The following EEA1 variants were observed in gnomAD, a reference collection of about 807,000 sequenced individuals.
EEA1 encodes the protein early endosome antigen 1, 162kD.
EEA1 carries 111 observed loss-of-function variants against 209.2 expected under a neutral mutation model. That is an observed-to-expected ratio of 0.53 (90% CI 0.45 to 0.62). The LOEUF is 0.62. Ranked by LOEUF, EEA1 falls within the 20% of genes least tolerant of loss-of-function variation. The pLI, the probability that EEA1 is intolerant of heterozygous loss-of-function variation, is 0.00. For missense variants in EEA1, 1,343 were observed against 1,530.8 expected (o/e 0.88, Z 2.05); for synonymous variants, 536 against 540.6 (o/e 0.99, Z 0.12).
At chr12:92,788,900 T>G (rs1323810900) in intron 21 of EEA1, among the ~76,000 whole-genome samples, 1 of 152,186 alleles carries the variant, frequency 6.6e-6, no homozygotes, top group Admixed American at 6.5e-5. Context: ...CTCAAAATCT[T>G]TTACTAGCTC....
chr12:92,871,543 TAAC>T (rs1330528661), intron 2 of EEA1, among the ~76,000 whole-genome samples: 3 of 152,134 alleles, frequency 2.0e-5, no homozygotes, highest in African/African-American at 7.2e-5. Context: ...CCCTGTGAAA[TAAC>T]AACTTTTAGA....
chr12:92,835,959 A>G (rs533024427), intron 10 of EEA1, among the ~76,000 whole-genome samples: 1 of 152,312 alleles, frequency 6.6e-6, no homozygotes, highest in Admixed American at 6.5e-5. Context: ...CATTTTTATT[A>G]TGGTCTTCCC....
intron 20 of EEA1, among the ~76,000 whole-genome samples, chr12:92,800,813 C>G (rs1466536100): frequency 1.3e-5 from 2 of 152,156 alleles, no homozygotes; most frequent in African/African-American, 2.4e-5. Flanking sequence ...ATGGCATAGC[C>G]AGGATATAAA....
intron 3 of EEA1, 138 bp downstream of exon 3, chr12:92,864,722 A>G (rs11106721): frequency 0.38 from 296,464 of 783,760 alleles, 63,376 homozygotes; most frequent in East Asian, 0.93. Flanking sequence ...TAGTGGAGGA[A>G]GGATATGCTA....
At chr12:92,863,492 T>C (rs1425911932) in intron 3 of EEA1, among the ~76,000 whole-genome samples, 1 of 152,202 alleles carries the variant, frequency 6.6e-6, no homozygotes, top group Non-Finnish European at 1.5e-5. Flanking sequence ...AAGCCCCAGA[T>C]GAGCTCCCAG....
Position 92,929,265 on chromosome 12 carries a change from G to GCGAA in EEA1, c.-203_-200dup, listed in dbSNP as rs1048967563. 15 of 408,336 alleles carry GCGAA rather than the reference G, an allele frequency of 3.7e-5. 1 individual carries two copies. The highest frequency in any genetic ancestry group is 3.0e-4 in the African/African-American group (14 of 46,038). 25.3% of individuals were successfully genotyped at this position (408,336 alleles called of 1,614,324 possible). ...AGAGGGAGCACGCGAGAGAGAGCGA[G>GCGAA]CGAACGACTAGGCAGCCTGCGAGCG... On this transcript the variant is annotated 5_prime_UTR_variant, in exon 1 of 29. Coordinates refer to ENST00000322349, the MANE Select transcript of EEA1 (RefSeq NM_003566.4).
chr12:92,780,136 G>A, intron 24 of EEA1, 144 bp downstream of exon 24: 1 of 812,640 alleles, frequency 1.2e-6, no homozygotes. Context: ...AAGCACTCTG[G>A]CAAGAGTATT....
intron 18 of EEA1, among the ~76,000 whole-genome samples, chr12:92,806,113 C>T (rs898860842): frequency 5.3e-5 from 8 of 151,360 alleles, no homozygotes; most frequent in African/African-American, 1.2e-4. Flanking sequence ...GACACAGTGA[C>T]GCTTTCACAT....
At chr12:92,889,156 T>TA (rs200345829) in intron 2 of EEA1, among the ~76,000 whole-genome samples, 3,980 of 130,760 alleles carry the variant, frequency 0.03, 98 homozygotes, top group African/African-American at 0.078. Context: ...TCAAAAACAT[T>TA]AAAAAAAAAA....
chr12:92,792,104 T>C (rs1416032889), intron 21 of EEA1, among the ~76,000 whole-genome samples: 1 of 152,136 alleles, frequency 6.6e-6, no homozygotes, highest in African/African-American at 2.4e-5. Context: ...TACCAGAATC[T>C]CTGGGACACA....
At chr12:92,858,702 T>C in intron 3 of EEA1, 1 of 738,626 alleles carries the variant, frequency 1.4e-6, no homozygotes, top group Non-Finnish European at 2.5e-6. Context: ...TTGTTATATC[T>C]GTTTGGCATG....
intron 3 of EEA1, chr12:92,858,308 T>A: frequency 1.3e-6 from 1 of 749,736 alleles, no homozygotes; most frequent in Non-Finnish European, 2.5e-6. Flanking sequence ...CCAGAGCTGC[T>A]GTTGACTAAC....
At chr12:92,792,731 A>G (rs1874466971) in intron 21 of EEA1, among the ~76,000 whole-genome samples, 1 of 152,222 alleles carries the variant, frequency 6.6e-6, no homozygotes. Flanking sequence ...ATTCCTTTTG[A>G]AACTATTCCA....
intron 28 of EEA1, among the ~76,000 whole-genome samples, chr12:92,776,461 A>G (rs1445180984): frequency 6.6e-6 from 1 of 151,898 alleles, no homozygotes; most frequent in Non-Finnish European, 1.5e-5. Context: ...TTCAGGCACT[A>G]ATGTCTCCAA....
At chr12:92,885,233 C>G (rs1408324107) in intron 2 of EEA1, among the ~76,000 whole-genome samples, 1 of 151,962 alleles carries the variant, frequency 6.6e-6, no homozygotes, top group Non-Finnish European at 1.5e-5. Flanking sequence ...CAAGGGTCAA[C>G]TACACGCTAT....
intron 11 of EEA1, among the ~76,000 whole-genome samples, chr12:92,828,999 G>A (rs1471345632): frequency 6.6e-6 from 1 of 152,158 alleles, no homozygotes; most frequent in Non-Finnish European, 1.5e-5. Context: ...ATAATATACA[G>A]AATCCTTTTA....
At chr12:92,856,750 C>A (rs1592739666) in intron 5 of EEA1, among the ~76,000 whole-genome samples, 2 of 141,084 alleles carry the variant, frequency 1.4e-5, no homozygotes, top group African/African-American at 2.6e-5. Flanking sequence ...AAAAAAACAA[C>A]ATATAGATAC....
chr12:92,921,866 C>CAAAA (rs756583756), intron 1 of EEA1, among the ~76,000 whole-genome samples: 5 of 83,448 alleles, frequency 6.0e-5, no homozygotes, highest in Non-Finnish European at 6.6e-5. Flanking sequence ...GACTCTGTCT[C>CAAAA]AAAAAAAAAA....
intron 22 of EEA1, among the ~76,000 whole-genome samples, chr12:92,784,134 C>T (rs1273515236): frequency 3.3e-5 from 5 of 152,084 alleles, no homozygotes; most frequent in African/African-American, 1.2e-4. Flanking sequence ...CAGCACCTAA[C>T]CATTAATTGA....
Sources: allele counts gnomAD v4.1 joint callset (sites outside exome capture counted in the v4.1 genomes callset), GRCh38; gene constraint gnomAD v4.1.1; transcripts MANE v1.5; gene names NCBI Gene and HGNC (gene_info 2026-07-23, HGNC 2026-07-21).